SP3: variants seen among roughly 807,000 people sequenced by gnomAD.
The protein encoded by SP3 is transcription factor Sp3.
SP3 carries 10 observed loss-of-function variants against 70.3 expected under a neutral mutation model. That is an observed-to-expected ratio of 0.14 (90% CI 0.09 to 0.24). The LOEUF (loss-of-function observed/expected upper bound fraction) is 0.24, where lower values mean the gene tolerates loss of function less well. Among genes scored for constraint, SP3 ranks in the 10% least tolerant of loss-of-function variants. The probability of loss-of-function intolerance (pLI) is 1.00; values close to 1 mark genes in which losing one functional copy is unlikely to be tolerated. For missense variants in SP3, 825 were observed against 914.6 expected (o/e 0.90, Z 1.26); for synonymous variants, 402 against 333.5 (o/e 1.21, Z -2.24).
chr2:173,942,839 T>C (rs1690412281), intron 4 of SP3, among the ~76,000 whole-genome samples: 2 of 152,138 alleles, frequency 1.3e-5, no homozygotes, highest in African/African-American at 4.8e-5. Context: ...GTGGATCCAA[T>C]TAACTGTAAA....
In SP3 at chr2:173,955,304, G is replaced by A; in HGVS notation, c.1208C>T (p.Ser403Phe). 2 of 1,614,072 alleles carry A rather than the reference G, an allele frequency of 1.2e-6. No individual in the cohort carries two copies. Among genetic ancestry groups the A allele is most frequent in the African/African-American group, 1.3e-5 (1 of 75,040 alleles). Residue 403 changes from serine (S) to phenylalanine (F), a missense_variant, in exon 4 of 7, where the codon TCT becomes TTT. Physicochemically the swap from Ser to Phe is radical, Grantham distance 155. Transcript: ENST00000310015. ...PVVQHLQLQE[S>F]QQPTSQAQIV... ...TTGGGCTTGACTGGTTGGCTGCTGA[G>A]ACTCTTGAAGTTGTAGATGCTGTAC... is the stretch of plus-strand genomic sequence containing the variant.
At position 173,906,766 on chromosome 2, in the gene SP3, G is replaced by A. The variant is rs999244567; in HGVS notation, c.*3175C>T. On this transcript the variant is annotated 3_prime_UTR_variant, in exon 7 of 7. Coordinates refer to ENST00000310015, the MANE Select transcript of SP3 (RefSeq NM_003111.5). ...TTGCTCTATTTTAAGTGATTGTAAC[G>A]CAGGAGTGTTTAACAGAACCACTTG... is the stretch of plus-strand genomic sequence containing the variant. The A allele has an allele frequency of 3.3e-5, 5 of 152,074 alleles. No homozygotes were observed. Among genetic ancestry groups the A allele is most frequent in the African/African-American group, 7.2e-5 (3 of 41,420 alleles). 9.4% of individuals were successfully genotyped at this position (152,074 alleles called of 1,614,324 possible). A position where few individuals can be genotyped will look rare whatever the true frequency, so the allele number is the denominator to read the frequency against.
At chr2:173,915,984 A>C (rs1423627699) in intron 5 of SP3, 1 of 152,092 alleles carries the variant, frequency 6.6e-6, no homozygotes, top group East Asian at 1.9e-4. Flanking sequence ...GTTGCAAAAA[A>C]AGACAAATAT....
chr2:173,956,821 GACC>G (rs1486772949), intron 3 of SP3, among the ~76,000 whole-genome samples: 1 of 152,136 alleles, frequency 6.6e-6, no homozygotes, highest in Non-Finnish European at 1.5e-5. Context: ...ATTGCCCTGT[GACC>G]ACATGACAAC....
upstream of SP3, chr2:173,965,549 G>T (rs1406687061): frequency 1.7e-5 from 4 of 235,170 alleles, no homozygotes; most frequent in African/African-American, 4.7e-5. Flanking sequence ...AGGTTTTCGA[G>T]AGCGGCTACG....
chr2:173,964,265 A>G, intron 2 of SP3, 140 bp downstream of exon 2: 1 of 469,634 alleles, frequency 2.1e-6, no homozygotes, highest in Admixed American at 4.6e-5. Context: ...TCGGGCGGGC[A>G]GCTCCCGGGG....
At chr2:173,940,803 A>T (rs1268218648) in intron 4 of SP3, among the ~76,000 whole-genome samples, 7 of 152,004 alleles carry the variant, frequency 4.6e-5, no homozygotes, top group Non-Finnish European at 1.0e-4. Context: ...TGGCCCTCTC[A>T]CCCATCTTAG....
chr2:173,926,802 A>G (rs1244130294), intron 4 of SP3, among the ~76,000 whole-genome samples: 2 of 152,236 alleles, frequency 1.3e-5, no homozygotes, highest in African/African-American at 2.4e-5. Flanking sequence ...GTCGTTTCTT[A>G]AAATATTCTA....
At chr2:173,928,712 T>G (rs1213782859) in intron 4 of SP3, among the ~76,000 whole-genome samples, 2 of 152,136 alleles carry the variant, frequency 1.3e-5, no homozygotes, top group African/African-American at 4.8e-5. Context: ...GCTACCTAAA[T>G]CATCTCTGCC....
chr2:173,926,309 C>G (rs905417918), intron 4 of SP3, among the ~76,000 whole-genome samples: 2 of 151,982 alleles, frequency 1.3e-5, no homozygotes, highest in Non-Finnish European at 2.9e-5. Context: ...ATTTTTTAAC[C>G]TCATCTCTTG....
At chr2:173,959,820 T>C (rs548360983) in intron 3 of SP3, among the ~76,000 whole-genome samples, 2 of 152,234 alleles carry the variant, frequency 1.3e-5, no homozygotes, top group South Asian at 4.2e-4. Flanking sequence ...GTATTTGGTT[T>C]AGAAGCAAGA....
intron 3 of SP3, among the ~76,000 whole-genome samples, chr2:173,961,515 A>G (rs1436217405): frequency 6.6e-6 from 1 of 152,216 alleles, no homozygotes; most frequent in East Asian, 1.9e-4. Context: ...AAACGCAAAC[A>G]AAGTCTGGTT....
At chr2:173,926,651 C>T (rs780155131) in intron 4 of SP3, among the ~76,000 whole-genome samples, 1 of 151,978 alleles carries the variant, frequency 6.6e-6, no homozygotes, top group Non-Finnish European at 1.5e-5. Flanking sequence ...TAAATTGGGC[C>T]ACAATGCCCA....
chr2:173,910,386 A>ATTCATT (rs1689445401), intron 6 of SP3, 129 bp from the exon 7 acceptor site: 1 of 676,582 alleles, frequency 1.5e-6, no homozygotes, highest in African/African-American at 1.8e-5. Flanking sequence ...TTAAAATTGT[A>ATTCATT]TTCATTTTAC....
rs965658292 is a variant in SP3 at position 173,941,538 on chromosome 2, AG to A, written c.1639+13334del. 2.3e-4 allele frequency among the ~76,000 whole-genome samples: 35 copies of A among 152,226 alleles called. 1 individual carries two copies. Among genetic ancestry groups the A allele is most frequent in the African/African-American group, 8.4e-4 (35 of 41,458 alleles). On this transcript the variant is annotated intron_variant, in intron 4 of 6. Transcript: ENST00000310015. ...GGTGGTAAGGTCACCTGAGCCCGGAAGGTCCAGGCCAGTGATCATGCCACTG... is the reference window on the plus strand; with the variant it reads ...GGTGGTAAGGTCACCTGAGCCCGGAAGTCCAGGCCAGTGATCATGCCACTG...
intron 4 of SP3, among the ~76,000 whole-genome samples, chr2:173,924,053 T>C (rs1256931457): frequency 6.6e-6 from 1 of 152,050 alleles, no homozygotes; most frequent in Admixed American, 6.5e-5. Flanking sequence ...GTTAGGTTTT[T>C]AAAACTAAAT....
intron 4 of SP3, among the ~76,000 whole-genome samples, chr2:173,926,540 T>C (rs1689914081): frequency 6.6e-6 from 1 of 152,196 alleles, no homozygotes; most frequent in Non-Finnish European, 1.5e-5. Flanking sequence ...GGCTCACGCC[T>C]GTAATCCCAG....
chr2:173,920,132 C>T lies in SP3; in HGVS notation c.1640-1347G>A, dbSNP rs187430186. Among the ~76,000 whole-genome samples the T allele has an allele frequency of 5.7e-4, 86 of 151,864 alleles. No individual in the cohort carries two copies. The East Asian group carries it at 0.012, about 22-fold the overall frequency. ...TCCCTTTATATACAGGGAATGGGATCGTGTATGATATTTATATAAAGAAAT... is the reference window on the plus strand; with the variant it reads ...TCCCTTTATATACAGGGAATGGGATTGTGTATGATATTTATATAAAGAAAT... On this transcript the variant is annotated intron_variant, in intron 4 of 6. Transcript: ENST00000310015.
chr2:173,963,473 A>G (rs943382645), intron 3 of SP3: 2 of 153,158 alleles, frequency 1.3e-5, no homozygotes, highest in African/African-American at 4.8e-5. Flanking sequence ...TTCAGCACTG[A>G]TATGAATTGC....
Sources: gnomAD v4.1 joint callset for allele counts (sites outside exome capture counted in the v4.1 genomes callset) on GRCh38, gnomAD v4.1.1 for gene constraint, MANE v1.5 for transcripts, NCBI Gene and HGNC (gene_info 2026-07-23, HGNC 2026-07-21) for gene names.